Variants in ZFHX3 observed in about 807,000 individuals in gnomAD.
ZFHX3 encodes zinc finger homeobox 3, also known as zinc finger homeobox protein 3.
A neutral mutation model predicts 279.1 loss-of-function variants in ZFHX3; 42 were observed. The observed-to-expected ratio is 0.15, with a 90% CI of 0.12 to 0.19. The LOEUF (loss-of-function observed/expected upper bound fraction) is 0.19, where lower values mean the gene tolerates loss of function less well. Ranked by LOEUF, ZFHX3 falls within the 10% of genes least tolerant of loss-of-function variation. The pLI is 1.00. For synonymous variants in ZFHX3, 2,293 were observed against 1,957.8 expected (o/e 1.17, Z -4.52); for missense variants, 4,981 against 4,754.0 (o/e 1.05, Z -1.40).
intron 2 of ZFHX3, among the ~76,000 whole-genome samples, chr16:73,593,373 A>T (rs2052018104): frequency 6.6e-6 from 1 of 152,288 alleles, no homozygotes; most frequent in Admixed American, 6.5e-5. Flanking sequence ...TTTCTAACTC[A>T]AGGATGAGCA....
intron 2 of ZFHX3, among the ~76,000 whole-genome samples, chr16:73,534,052 C>T (rs73602907): frequency 0.029 from 4,426 of 152,224 alleles, 221 homozygotes; most frequent in African/African-American, 0.1. Flanking sequence ...TGCTCAAGGT[C>T]GTCAGATGGC....
chr16:73,708,669 A>C (rs954862466), intron 1 of ZFHX3, among the ~76,000 whole-genome samples: 1 of 152,332 alleles, frequency 6.6e-6, no homozygotes, highest in South Asian at 2.1e-4. Flanking sequence ...ATAAACTCAT[A>C]ACAGGCAGAT....
chr16:73,354,089 T>A (rs1319012520), intron 3 of ZFHX3, among the ~76,000 whole-genome samples: 2 of 152,026 alleles, frequency 1.3e-5, no homozygotes, highest in Non-Finnish European at 2.9e-5. Context: ...ATTTAGCAAA[T>A]AAAAATACAG....
intron 7 of ZFHX3, among the ~76,000 whole-genome samples, chr16:73,096,485 C>A (rs1484611801): frequency 6.6e-6 from 1 of 151,822 alleles, no homozygotes; most frequent in Non-Finnish European, 1.5e-5. Context: ...TCATTGTAAC[C>A]TCCACCTCCT....
At chr16:73,255,920 G>T (rs1420509656) in intron 5 of ZFHX3, among the ~76,000 whole-genome samples, 2 of 152,154 alleles carry the variant, frequency 1.3e-5, no homozygotes, top group Admixed American at 1.3e-4. Flanking sequence ...CTTCTCTCTA[G>T]GAGTCTGCCG....
chr16:73,219,229 C>T (rs2012322250), intron 5 of ZFHX3, among the ~76,000 whole-genome samples: 1 of 152,108 alleles, frequency 6.6e-6, no homozygotes, highest in Non-Finnish European at 1.5e-5. Flanking sequence ...GTGGTTTTTG[C>T]TTCTCCTTAT....
intron 3 of ZFHX3, among the ~76,000 whole-genome samples, chr16:73,320,727 C>G (rs911927374): frequency 6.6e-6 from 1 of 152,184 alleles, no homozygotes; most frequent in Non-Finnish European, 1.5e-5. Flanking sequence ...TACTATAAAC[C>G]ATCTGTGGGA....
At chr16:73,493,046 A>G (rs138385669) in intron 2 of ZFHX3, among the ~76,000 whole-genome samples, 1 of 152,308 alleles carries the variant, frequency 6.6e-6, no homozygotes, top group East Asian at 1.9e-4. Flanking sequence ...TATAAGCTGG[A>G]ATTATTCTTT....
intron 7 of ZFHX3, among the ~76,000 whole-genome samples, chr16:73,102,576 T>C (rs1269050578): frequency 6.6e-6 from 1 of 152,190 alleles, no homozygotes; most frequent in East Asian, 1.9e-4. Flanking sequence ...TCCAAACACT[T>C]TCACAGTCAT....
intron 2 of ZFHX3, among the ~76,000 whole-genome samples, chr16:73,460,509 G>C (rs551511050): frequency 1.3e-5 from 2 of 152,318 alleles, no homozygotes; most frequent in East Asian, 3.9e-4. Context: ...CAGTTGTAGG[G>C]TGGTGTAATT....
chr16:73,250,983 T>C (rs924255012), intron 5 of ZFHX3, among the ~76,000 whole-genome samples: 4 of 152,330 alleles, frequency 2.6e-5, no homozygotes, highest in Admixed American at 6.5e-5. Context: ...TCATCTGCAA[T>C]CTGAGTCATG....
At chr16:73,537,011 T>A (rs2019913791) in intron 2 of ZFHX3, among the ~76,000 whole-genome samples, 1 of 152,146 alleles carries the variant, frequency 6.6e-6, no homozygotes, top group African/African-American at 2.4e-5. Flanking sequence ...TAATTTGCCT[T>A]AGGGTTTATC....
intron 3 of ZFHX3, among the ~76,000 whole-genome samples, chr16:73,450,797 C>T (rs1453499080): frequency 6.6e-6 from 1 of 152,210 alleles, no homozygotes; most frequent in African/African-American, 2.4e-5. Context: ...AATCCCTTCC[C>T]TCATCTTTCT....
intron 1 of ZFHX3, among the ~76,000 whole-genome samples, chr16:73,769,819 C>G (rs1022617842): frequency 1.3e-5 from 2 of 152,170 alleles, no homozygotes; most frequent in Non-Finnish European, 2.9e-5. Context: ...TAATCCCTAT[C>G]CCTTTGAATT....
intron 2 of ZFHX3, among the ~76,000 whole-genome samples, chr16:73,497,302 C>CA (rs1445404038): frequency 6.6e-6 from 1 of 152,186 alleles, no homozygotes; most frequent in Non-Finnish European, 1.5e-5. Context: ...AAAATCACTG[C>CA]AACCACCAAA....
In ZFHX3 at chr16:72,793,521, T is replaced by C. The variant is rs1354137326; in HGVS notation, c.9161A>G (p.Asp3054Gly). The C allele has an allele frequency of 5.0e-6, 8 of 1,614,068 alleles. No homozygotes were observed. Among genetic ancestry groups the C allele is most frequent in the Non-Finnish European group, 6.8e-6 (8 of 1,180,046 alleles). ...FSQQHISKVK[D>G]TIGSQLDKEK... ...CTTGTCCAGCTGGCTTCCAATGGTG[T>C]CTTTAACTTTGGAGATATGCTGTTG... Residue 3054 changes from aspartate (D) to glycine (G), a missense_variant, in exon 9 of 10, where the codon GAC becomes GGC. Transcript: ENST00000268489. The surrounding 1 kb of genome is among the most constrained non-coding windows in gnomAD (Gnocchi z 4.3).
At chr16:73,858,895 T>C (rs1021653456) in intron 1 of ZFHX3, among the ~76,000 whole-genome samples, 16 of 152,314 alleles carry the variant, frequency 1.1e-4, no homozygotes, top group African/African-American at 3.8e-4. Flanking sequence ...GACCAGCTTT[T>C]CCCAAATGAA....
chr16:73,500,311 G>GT (rs536770322), intron 2 of ZFHX3: 47 of 153,868 alleles, frequency 3.1e-4, no homozygotes, highest in African/African-American at 1.0e-3. Flanking sequence ...TTGGGTTTTT[G>GT]TTTTTTTGTT....
At chr16:73,673,756 A>G (rs1402512784) in intron 2 of ZFHX3, among the ~76,000 whole-genome samples, 5 of 152,216 alleles carry the variant, frequency 3.3e-5, no homozygotes, top group Non-Finnish European at 4.4e-5. Context: ...GGATAACAGC[A>G]GGGCAGGCTG....
Sources: gnomAD v4.1 joint callset for allele counts (sites outside exome capture counted in the v4.1 genomes callset) on GRCh38, gnomAD v4.1.1 for gene constraint, Gnocchi (gnomAD v3.1) non-coding constraint, MANE v1.5 for transcripts, NCBI Gene and HGNC (gene_info 2026-07-23, HGNC 2026-07-21) for gene names.